The following SQOR variants were observed in gnomAD, a reference collection of about 807,000 sequenced individuals.
The protein encoded by SQOR is sulfide:quinone oxidoreductase, mitochondrial.
A neutral mutation model predicts 48.6 loss-of-function variants in SQOR; 39 were observed. The observed-to-expected ratio is 0.80, with a 90% CI of 0.62 to 1.05. The LOEUF is 1.05. SQOR is among the 50% of genes least tolerant of loss of function. The probability of loss-of-function intolerance (pLI) is 0.00; values close to 1 mark genes in which losing one functional copy is unlikely to be tolerated. For missense variants in SQOR, 561 were observed against 559.9 expected (o/e 1.00, Z -0.02); for synonymous variants, 220 against 206.2 (o/e 1.07, Z -0.57).
chr15:45,632,574 C>G (rs999475186), upstream of SQOR, among the ~76,000 whole-genome samples: 19 of 152,044 alleles, frequency 1.2e-4, no homozygotes, highest in Non-Finnish European at 2.9e-5. Context: ...TCTCAAACCA[C>G]CCAGCAGGCA....
In SQOR at chr15:45,686,654, G is replaced by A. The variant is rs1194558177; in HGVS notation, c.1049-1683G>A. On this transcript the variant is annotated intron_variant, in intron 7 of 9. Coordinates refer to ENST00000260324, the MANE Select transcript of SQOR (RefSeq NM_021199.4). ...TCTTTGATTTGCCGTGGGCCCACAA[G>A]GCCTGCAATTTTTCTTACAGAAAAA... Among the ~76,000 whole-genome samples the A allele has an allele frequency of 2.0e-5, 3 of 152,138 alleles. No individual in the cohort carries two copies. The East Asian group carries it at 5.8e-4, about 29-fold the overall frequency.
At chr15:45,634,890 C>A (rs1242576391), upstream of SQOR, 1 of 152,360 alleles carries the variant, frequency 6.6e-6, no homozygotes, top group Non-Finnish European at 1.5e-5. Flanking sequence ...GCGCTCAACG[C>A]CCTGGTGTGT....
In SQOR at chr15:45,653,169, T is replaced by C. The variant is rs754118145; in HGVS notation, c.-17-5738T>C. ...CTAGGTGCCCAATAATTCAATTCAA[T>C]TGTGGCATTAGCTCCCGGAGTTAGT... On this transcript the variant is annotated intron_variant, in intron 1 of 9. Coordinates refer to ENST00000260324, the MANE Select transcript of SQOR (RefSeq NM_021199.4). Among the ~76,000 whole-genome samples, 193 of 152,216 alleles carry C rather than the reference T, an allele frequency of 1.3e-3. 1 individual carries two copies. Among genetic ancestry groups the C allele is most frequent in the Non-Finnish European group, 4.3e-4 (29 of 68,038 alleles).
intron 1 of SQOR, among the ~76,000 whole-genome samples, chr15:45,657,265 A>T (rs1291109857): frequency 1.0e-4 from 15 of 148,054 alleles, no homozygotes; most frequent in Admixed American, 6.7e-5. Context: ...TGGAGCCTGC[A>T]TTTTTTTTTT....
intron 4 of SQOR, among the ~76,000 whole-genome samples, chr15:45,673,015 G>A (rs536149858): frequency 6.6e-6 from 1 of 152,290 alleles, no homozygotes; most frequent in Admixed American, 6.5e-5. Flanking sequence ...GTTCCCAGGT[G>A]GTGCTTGTGC....
chr15:45,672,107 A>G (rs1048797628), intron 4 of SQOR, among the ~76,000 whole-genome samples: 1 of 152,204 alleles, frequency 6.6e-6, no homozygotes, highest in South Asian at 2.1e-4. Context: ...AATGAAGGTG[A>G]TAAGACATCA....
chr15:45,690,275 A>G (rs1053857400), intron 9 of SQOR, among the ~76,000 whole-genome samples: 1 of 152,150 alleles, frequency 6.6e-6, no homozygotes, highest in African/African-American at 2.4e-5. Flanking sequence ...CATGTTGGCC[A>G]GGCTGGTCTC....
chr15:45,689,752 CCAAA>C (rs2140965668), intron 9 of SQOR, among the ~76,000 whole-genome samples: 1 of 152,124 alleles, frequency 6.6e-6, no homozygotes, highest in African/African-American at 2.4e-5. Context: ...ATGGGAGAAA[CCAAA>C]CAGTGAGTAA....
rs140459079 is a variant in SQOR at position 45,682,565 on chromosome 15, G to A, written c.952G>A (p.Val318Met). The A allele has an allele frequency of 2.6e-3, 4,123 of 1,614,220 alleles. 6 individuals carry two copies. The highest frequency in any genetic ancestry group is 5.1e-3 in the Middle Eastern group (31 of 6,062). Residue 318 changes from valine (V) to methionine (M), a missense_variant, in exon 7 of 10, where the codon GTG becomes ATG. Coordinates refer to ENST00000260324, the MANE Select transcript of SQOR (RefSeq NM_021199.4). ...PVADAAGWVDVDKETLQHRRY... is the reference protein window; with the variant it reads ...PVADAAGWVDMDKETLQHRRY... ...GGCTGATGCTGCTGGTTGGGTGGAT[G>A]TGGATAAAGAAACTCTGCAACACAG...
intron 5 of SQOR, 62 bp from the exon 6 acceptor site, chr15:45,676,039 T>TAAA: frequency 2.7e-5 from 35 of 1,278,650 alleles, no homozygotes; most frequent in East Asian, 7.4e-5. Context: ...TTGTCTGGAT[T>TAAA]AAAAAAAAAA....
chr15:45,669,726 C>A (rs1889904751), intron 3 of SQOR, among the ~76,000 whole-genome samples: 1 of 152,142 alleles, frequency 6.6e-6, no homozygotes, highest in Non-Finnish European at 1.5e-5. Context: ...CCTCCCCCAG[C>A]CCCAAGACAT....
rs1208739170 is a variant in SQOR, at chr15:45,688,951, C to T, written c.1117-88C>T. 3.3e-5 allele frequency: 34 copies of T among 1,026,848 alleles called. No homozygotes were observed. The Admixed American group carries it at 5.6e-4, about 17-fold the overall frequency. The allele number at this position is 1,026,848 out of a possible 1,614,324, so 63.6% of individuals were successfully genotyped here. ...ATACAGAAAAGAAAAAATATATAAG[C>T]ACTCACAGCAAATAATAAATTCTAT... On this transcript the variant is annotated intron_variant, in intron 8 of 9. Coordinates refer to ENST00000260324, the MANE Select transcript of SQOR (RefSeq NM_021199.4).
intron 4 of SQOR, among the ~76,000 whole-genome samples, chr15:45,671,068 T>A (rs111837156): frequency 1.3e-3 from 203 of 152,342 alleles, no homozygotes; most frequent in African/African-American, 4.7e-3. Flanking sequence ...CATAGCAGCC[T>A]CTTGTAGCAA....
intron 6 of SQOR, among the ~76,000 whole-genome samples, chr15:45,679,891 A>G (rs928079905): frequency 7.2e-5 from 11 of 152,200 alleles, no homozygotes; most frequent in African/African-American, 2.7e-4. Flanking sequence ...GGCATGGTGT[A>G]GCCTGGGAAC....
Position 45,676,265 on chromosome 15 carries a change from T to C in SQOR, c.819T>C (p.Ala273=). Reference sequence around the variant, plus strand: ...AAGTCCGAGCCGATAAACAAGAGGCTGTATTTGAGAACCTGGACAAACCAG... The same window carrying C: ...AAGTCCGAGCCGATAAACAAGAGGCCGTATTTGAGAACCTGGACAAACCAG... ...LIEVRADKQE[A]VFENLDKPGE... The change falls in exon 6 of 10, where the codon GCT becomes GCC. Residue 273 remains alanine, a synonymous_variant. Coordinates refer to ENST00000260324, the MANE Select transcript of SQOR (RefSeq NM_021199.4). The C allele has an allele frequency of 6.2e-7, 1 of 1,614,006 alleles. No individual in the cohort carries two copies. The highest frequency in any genetic ancestry group is 8.5e-7 in the Non-Finnish European group (1 of 1,179,990).
chr15:45,668,283 A>C (rs973651638), intron 3 of SQOR, among the ~76,000 whole-genome samples: 2 of 152,202 alleles, frequency 1.3e-5, no homozygotes, highest in Non-Finnish European at 2.9e-5. Context: ...CATACAGATG[A>C]AAATGCTTAT....
intron 6 of SQOR, among the ~76,000 whole-genome samples, chr15:45,677,036 G>A (rs1165105064): frequency 1.2e-4 from 16 of 131,484 alleles, no homozygotes; most frequent in Non-Finnish European, 1.9e-4. Flanking sequence ...GTGAGACTCC[G>A]TCTAAAAAAA....
intron 1 of SQOR, among the ~76,000 whole-genome samples, chr15:45,644,109 G>A (rs941569612): frequency 1.4e-4 from 22 of 151,850 alleles, no homozygotes; most frequent in Non-Finnish European, 1.6e-4. Context: ...TTTTTGAGAC[G>A]GAGTCTTGCT....
At chr15:45,665,442 A>G (rs998498143) in intron 3 of SQOR, among the ~76,000 whole-genome samples, 1 of 152,194 alleles carries the variant, frequency 6.6e-6, no homozygotes, top group Non-Finnish European at 1.5e-5. Context: ...CAATTTTTCT[A>G]TCTGTTATTC....
Sources: gnomAD v4.1 joint callset for allele counts (sites outside exome capture counted in the v4.1 genomes callset) on GRCh38, gnomAD v4.1.1 for gene constraint, MANE v1.5 for transcripts, NCBI Gene and HGNC (gene_info 2026-07-23, HGNC 2026-07-21) for gene names.